Variants in BNC2 observed in about 807,000 individuals in gnomAD.
The protein encoded by BNC2 is basonuclin zinc finger protein 2.
Under a neutral mutation model 76.3 loss-of-function variants are expected in BNC2, and 20 were observed. The observed-to-expected ratio is 0.26, with a 90% CI of 0.18 to 0.38. BNC2 has a LOEUF of 0.38. Ranked by LOEUF, BNC2 falls within the 10% of genes least tolerant of loss-of-function variation. The pLI is 1.00. For synonymous variants in BNC2, 582 were observed against 514.8 expected (o/e 1.13, Z -1.77); for missense variants, 1,382 against 1,399.8 (o/e 0.99, Z 0.20).
rs113755523 is a variant in BNC2 at position 16,869,228 on chromosome 9, A to G, written c.3+1418T>C. 6.4e-5 allele frequency among the ~76,000 whole-genome samples: 6 copies of G among 94,224 alleles called. No homozygotes were observed. The South Asian group carries it at 8.1e-4, about 13-fold the overall frequency. 61.8% of individuals were successfully genotyped at this position (94,224 alleles called of 152,430 possible). A position where few individuals can be genotyped will look rare whatever the true frequency, so the allele number is the denominator to read the frequency against. The stretch of plus-strand genomic sequence containing the variant: ...AGTGTCCACGAAGTATATAAAAATA[A>G]AACAGGCCACTTTTTGCCACTTTAA... On this transcript the variant is annotated intron_variant, in intron 1 of 6. Coordinates refer to ENST00000380672, the MANE Select transcript of BNC2 (RefSeq NM_017637.6).
intron 1 of BNC2, among the ~76,000 whole-genome samples, chr9:16,852,971 TC>T (rs1213261055): frequency 6.6e-6 from 1 of 152,244 alleles, no homozygotes. Context: ...CATATCCTTT[TC>T]AGTGATGGTA....
intron 3 of BNC2, among the ~76,000 whole-genome samples, chr9:16,682,729 T>G (rs1822861863): frequency 6.6e-6 from 1 of 152,206 alleles, no homozygotes; most frequent in South Asian, 2.1e-4. Flanking sequence ...GTTCATTATT[T>G]ACTCTAATTT....
chr9:16,636,654 T>A (rs1821337675), intron 3 of BNC2, among the ~76,000 whole-genome samples: 1 of 152,064 alleles, frequency 6.6e-6, no homozygotes, highest in Non-Finnish European at 1.5e-5. Flanking sequence ...GAAGCATGGA[T>A]GAAAGAAGAA....
intron 3 of BNC2, chr9:16,626,114 A>G (rs1820986337): frequency 6.6e-6 from 1 of 152,234 alleles, no homozygotes; most frequent in South Asian, 2.1e-4. Flanking sequence ...TCTCTTTAGC[A>G]CAGACATGTG....
At chr9:16,808,706 T>A (rs559297034) in intron 1 of BNC2, among the ~76,000 whole-genome samples, 3 of 151,668 alleles carry the variant, frequency 2.0e-5, no homozygotes, top group Non-Finnish European at 2.9e-5. Flanking sequence ...CTTTTTTTTT[T>A]ATTTCAACTT....
chr9:16,647,242 G>C (rs1033856008), intron 3 of BNC2, among the ~76,000 whole-genome samples: 1 of 152,054 alleles, frequency 6.6e-6, no homozygotes, highest in African/African-American at 2.4e-5. Context: ...TTGCTGACTC[G>C]GGTGTCCCTT....
chr9:16,844,932 A>G (rs1278842705), intron 1 of BNC2, among the ~76,000 whole-genome samples: 2 of 152,224 alleles, frequency 1.3e-5, no homozygotes, highest in Non-Finnish European at 2.9e-5. Context: ...CCCACTAAAT[A>G]GCAGGAGGCA....
intron 3 of BNC2, among the ~76,000 whole-genome samples, chr9:16,629,007 CA>C (rs1467613246): frequency 6.6e-6 from 1 of 151,952 alleles, no homozygotes; most frequent in Non-Finnish European, 1.5e-5. Flanking sequence ...GCTTGTTCTG[CA>C]AAAAAGAAAT....
chr9:16,810,975 T>C (rs749030809), intron 1 of BNC2, among the ~76,000 whole-genome samples: 22 of 151,882 alleles, frequency 1.4e-4, no homozygotes, highest in Non-Finnish European at 2.6e-4. Context: ...TCCCAGCAAT[T>C]TGGGAGGCTG....
intron 5 of BNC2, among the ~76,000 whole-genome samples, chr9:16,476,480 C>G (rs949880497): frequency 6.6e-6 from 1 of 151,910 alleles, no homozygotes; most frequent in Admixed American, 6.6e-5. Flanking sequence ...CTTCAGACCT[C>G]TGCTCAAAGC....
chr9:16,847,525 T>G (rs1340272092), intron 1 of BNC2, among the ~76,000 whole-genome samples: 2 of 151,484 alleles, frequency 1.3e-5, no homozygotes, highest in Non-Finnish European at 2.9e-5. Flanking sequence ...CAAACACGTT[T>G]AGGAAATTTT....
At chr9:16,501,982 G>A (rs1389720231) in intron 5 of BNC2, among the ~76,000 whole-genome samples, 1 of 152,192 alleles carries the variant, frequency 6.6e-6, no homozygotes, top group Non-Finnish European at 1.5e-5. Flanking sequence ...TTTCTAATTT[G>A]TAAGGGCTTT....
intron 5 of BNC2, among the ~76,000 whole-genome samples, chr9:16,522,637 A>T (rs1040712571): frequency 2.0e-5 from 3 of 152,152 alleles, no homozygotes; most frequent in Admixed American, 2.0e-4. Context: ...GTGTTTTTTA[A>T]GGTTTGAAGC....
At chr9:16,857,492 A>T (rs1192235452) in intron 1 of BNC2, among the ~76,000 whole-genome samples, 3 of 151,484 alleles carry the variant, frequency 2.0e-5, no homozygotes, top group Non-Finnish European at 4.4e-5. Context: ...AAAAAAAAAA[A>T]AAAAAAAAAA....
intron 6 of BNC2, among the ~76,000 whole-genome samples, chr9:16,428,545 C>T (rs538486028): frequency 3.9e-5 from 6 of 152,234 alleles, no homozygotes; most frequent in South Asian, 2.1e-4. Flanking sequence ...ATATACATTA[C>T]GTGGATGAAT....
chr9:16,733,611 ACT>A (rs1053010518), intron 2 of BNC2, among the ~76,000 whole-genome samples: 1 of 152,148 alleles, frequency 6.6e-6, no homozygotes, highest in African/African-American at 2.4e-5. Flanking sequence ...GCTTACATTA[ACT>A]CTGTTGGCAT....
intron 5 of BNC2, among the ~76,000 whole-genome samples, chr9:16,510,464 ACT>A (rs1251375986): frequency 6.6e-6 from 1 of 152,028 alleles, no homozygotes; most frequent in Admixed American, 6.6e-5. Context: ...CCTTTCACGT[ACT>A]CTTTCTTCTT....
chr9:16,792,542 A>C (rs796780924), intron 1 of BNC2, among the ~76,000 whole-genome samples: 2 of 152,256 alleles, frequency 1.3e-5, no homozygotes, highest in South Asian at 2.1e-4. Flanking sequence ...CACAATATGC[A>C]GAGATCTGAG....
At chr9:16,544,378 A>G (rs1363510926) in intron 5 of BNC2, among the ~76,000 whole-genome samples, 1 of 152,208 alleles carries the variant, frequency 6.6e-6, no homozygotes, top group Admixed American at 6.5e-5. Context: ...ATTTTATGCG[A>G]TAAGGTGCAA....
Sources: gnomAD v4.1 joint callset for allele counts (sites outside exome capture counted in the v4.1 genomes callset) on GRCh38, gnomAD v4.1.1 for gene constraint, MANE v1.5 for transcripts, NCBI Gene and HGNC (gene_info 2026-07-23, HGNC 2026-07-21) for gene names.